The following COL15A1 variants were observed in gnomAD, a reference collection of about 807,000 sequenced individuals.
The protein encoded by COL15A1 is collagen alpha-1(XV) chain.
COL15A1 carries 111 observed loss-of-function variants against 165.9 expected under a neutral mutation model. That is an observed-to-expected ratio of 0.67 (90% CI 0.57 to 0.78). The LOEUF is 0.78. Ranked by LOEUF, COL15A1 falls within the 30% of genes least tolerant of loss-of-function variation. The pLI is 0.00. For synonymous variants in COL15A1, 659 were observed against 674.8 expected (o/e 0.98, Z 0.36); for missense variants, 1,745 against 1,789.7 (o/e 0.98, Z 0.45).
chr9:98,959,227 CA>C (rs60892848), intron 2 of COL15A1, among the ~76,000 whole-genome samples: 121 of 73,216 alleles, frequency 1.7e-3, no homozygotes, highest in Admixed American at 2.4e-3. Context: ...CCTGTCTCTA[CA>C]AAAAAAAAAA....
chr9:99,036,602 T>G (rs1839306241), intron 21 of COL15A1, among the ~76,000 whole-genome samples: 1 of 152,216 alleles, frequency 6.6e-6, no homozygotes, highest in Non-Finnish European at 1.5e-5. Flanking sequence ...TTGTCTCTTC[T>G]GATTAGCAGC....
chr9:99,022,117 C>T lies in COL15A1; in HGVS notation c.1728C>T (p.Gly576=), dbSNP rs1839037947. The change falls in exon 13 of 42, where the codon GGC becomes GGT. Residue 576 remains glycine, a synonymous_variant. Coordinates refer to ENST00000375001, the MANE Select transcript of COL15A1 (RefSeq NM_001855.5). ...GTGATGCTGGGGAGGAGCTTCCTGG[C>T]CCTCCTGAACCTTCTGGGCCTGTTG... The part of the protein sequence containing the change: ...EKGDAGEELP[G]PPEPSGPVGP... The T allele has an allele frequency of 3.1e-6, 5 of 1,614,016 alleles. No individual in the cohort carries two copies.
At chr9:98,986,152 A>G in intron 3 of COL15A1, 40 bp downstream of exon 3, 1 of 1,487,602 alleles carries the variant, frequency 6.7e-7, no homozygotes. Context: ...AGGGAGGTGG[A>G]TGAACAGACT....
At position 99,036,369 on chromosome 9, in the gene COL15A1, AC is replaced by A; in HGVS notation, c.2384del (p.Pro795LeufsTer11). 6.2e-7 allele frequency: 1 copy of A among 1,614,202 alleles called. No individual in the cohort carries two copies. Among genetic ancestry groups the A allele is most frequent in the East Asian group, 2.2e-5 (1 of 44,880 alleles). ...IVGPPGPRGP[P>X]GHIKVLSNSL... ...TGGGACCCCCTGGGCCGAGAGGGCCACCTGGGCACATCAAGGTCTTGTCTAA... is the reference window on the plus strand; with the variant it reads ...TGGGACCCCCTGGGCCGAGAGGGCCACTGGGCACATCAAGGTCTTGTCTAA... On this transcript the variant is annotated frameshift_variant, in exon 21 of 42. Coordinates refer to ENST00000375001, the MANE Select transcript of COL15A1 (RefSeq NM_001855.5). LOFTEE classifies it high-confidence loss of function.
At chr9:98,947,137 TA>T (rs1189539199) in intron 2 of COL15A1, among the ~76,000 whole-genome samples, 1 of 152,122 alleles carries the variant, frequency 6.6e-6, no homozygotes, top group Non-Finnish European at 1.5e-5. Context: ...AAACTGGAAA[TA>T]AAGTTAAATT....
rs60290557 is a variant in COL15A1, at chr9:99,034,586, TAAAAA to T, written c.2079+26_2079+30del. The T allele has an allele frequency of 0.014, 15,333 of 1,063,422 alleles. No homozygotes were observed. Among genetic ancestry groups the T allele is most frequent in the East Asian group, 0.057 (1,359 of 23,946 alleles). The allele number at this position is 1,063,422 out of a possible 1,614,324, so 65.9% of individuals were successfully genotyped here. On this transcript the variant is annotated splice_donor_5th_base_variant and intron_variant, in intron 17 of 41. Coordinates refer to ENST00000375001, the MANE Select transcript of COL15A1 (RefSeq NM_001855.5). ...CCTAATGGCTCAGTTGGTGAAAAGGTAAAAAAAAAAAAAAAAAAAAAAAAAAAAGA... is the reference window on the plus strand; with the variant it reads ...CCTAATGGCTCAGTTGGTGAAAAGGTAAAAAAAAAAAAAAAAAAAAAAAGA...
At chr9:99,033,010 T>C (rs1839233274) in intron 16 of COL15A1, among the ~76,000 whole-genome samples, 1 of 152,246 alleles carries the variant, frequency 6.6e-6, no homozygotes, top group Non-Finnish European at 1.5e-5. Flanking sequence ...TTAACTCCAT[T>C]TCCTTGGATG....
rs751448690 is a variant in COL15A1 at position 99,000,892 on chromosome 9, G to T, written c.1006G>T (p.Asp336Tyr). 77 of 1,607,184 alleles carry T rather than the reference G, an allele frequency of 4.8e-5. No individual in the cohort carries two copies. In the South Asian group the frequency reaches 7.9e-4, roughly 17 times the overall value. The change falls in exon 7 of 42, where the codon GAC (aspartate) becomes TAC (tyrosine). Residue 336 changes from aspartate to tyrosine, a missense_variant. Physicochemically the swap from Asp to Tyr is radical, Grantham distance 160. Coordinates refer to ENST00000375001, the MANE Select transcript of COL15A1 (RefSeq NM_001855.5). ...GGAGGGGGTTCATTCTGTGGATGGTGACCCCATTACTGACAGCGGCTCAGG... is the reference window on the plus strand; with the variant it reads ...GGAGGGGGTTCATTCTGTGGATGGTTACCCCATTACTGACAGCGGCTCAGG... ...TLEGVHSVDG[D>Y]PITDSGSGAG...
In COL15A1 at chr9:98,997,015, C is replaced by A; in HGVS notation, c.886C>A (p.Pro296Thr). 6.2e-7 allele frequency: 1 copy of A among 1,614,194 alleles called. No homozygotes were observed. Among genetic ancestry groups the A allele is most frequent in the Non-Finnish European group, 8.5e-7 (1 of 1,180,028 alleles). ...PFEDMELSGE[P>T]VPEGTLETTN... Reference sequence around the variant, plus strand: ...TGAAGACATGGAACTTTCTGGTGAACCTGTACCCGAGGGGACCCTGGAAAC... The same window carrying A: ...TGAAGACATGGAACTTTCTGGTGAAACTGTACCCGAGGGGACCCTGGAAAC... Residue 296 changes from proline (P) to threonine (T), a missense_variant, in exon 6 of 42, where the codon CCT becomes ACT. Physicochemically the swap from Pro to Thr is conservative, Grantham distance 38. Coordinates refer to ENST00000375001, the MANE Select transcript of COL15A1 (RefSeq NM_001855.5).
rs764240486 is a variant in COL15A1 at position 99,067,039 on chromosome 9, G to GATAC, written c.3811_3814dup (p.Ser1272IlefsTer15). On this transcript the variant is annotated frameshift_variant, in exon 40 of 42. Coordinates refer to ENST00000375001, the MANE Select transcript of COL15A1 (RefSeq NM_001855.5). LOFTEE classifies it high-confidence loss of function. ...TCCACCATTGTGAGGAAAGCAGAGAGATACAGCCTTCCCATAGTGAACCTC... is the reference window on the plus strand; with the variant it reads ...TCCACCATTGTGAGGAAAGCAGAGAGATACATACAGCCTTCCCATAGTGAACCTC... 2.5e-6 allele frequency: 4 copies of GATAC among 1,613,934 alleles called. No homozygotes were observed. The highest frequency in any genetic ancestry group is 1.6e-4 in the Middle Eastern group (1 of 6,062).
Position 99,070,033 on chromosome 9 carries a change from C to A in COL15A1, c.*147C>A. The A allele has an allele frequency of 1.6e-6, 1 of 636,020 alleles. No homozygotes were observed. Among genetic ancestry groups the A allele is most frequent in the Non-Finnish European group, 2.6e-6 (1 of 378,450 alleles). The allele number at this position is 636,020 out of a possible 1,614,324, so 39.4% of individuals were successfully genotyped here. A position where few individuals can be genotyped will look rare whatever the true frequency, so the allele number is the denominator to read the frequency against. On this transcript the variant is annotated 3_prime_UTR_variant, in exon 42 of 42. Transcript: ENST00000375001. ...ACAACAGCAACCAAAGAAAACATAC[C>A]TCAATACACTCAAAACTGAAGACAT...
chr9:98,949,756 A>G (rs116964330), intron 2 of COL15A1, among the ~76,000 whole-genome samples: 4,977 of 152,302 alleles, frequency 0.033, 99 homozygotes, highest in Non-Finnish European at 0.047. Context: ...CCTTCACAAT[A>G]TTGTGCAATC....
chr9:98,954,352 C>T (rs1293180597), intron 2 of COL15A1, among the ~76,000 whole-genome samples: 1 of 152,184 alleles, frequency 6.6e-6, no homozygotes, highest in Non-Finnish European at 1.5e-5. Flanking sequence ...ATTTGATGGA[C>T]TGTGTTTCAA....
At chr9:99,001,386 G>A (rs1284006301) in intron 7 of COL15A1, among the ~76,000 whole-genome samples, 1 of 152,166 alleles carries the variant, frequency 6.6e-6, no homozygotes, top group African/African-American at 2.4e-5. Context: ...TCCCTAGGGT[G>A]CAAAATTAAA....
chr9:98,990,973 C>T (rs1224478571), intron 5 of COL15A1, among the ~76,000 whole-genome samples: 2 of 152,106 alleles, frequency 1.3e-5, no homozygotes, highest in African/African-American at 4.8e-5. Context: ...GTCTCGCTGT[C>T]TTCAAGAGTA....
Position 99,069,769 on chromosome 9 carries a change from G to A in COL15A1, c.4050G>A (p.Thr1350=), listed in dbSNP as rs368606814. ...GGCGAACCGCGGACACAGCGGTCAC[G>A]GGACTTGCCTCCCCGCTGAGCACGG... ...EAWRTADTAV[T]GLASPLSTGK... Residue 1350 remains threonine (T), a synonymous_variant, in exon 42 of 42, where the codon ACG becomes ACA. Transcript: ENST00000375001. 55 of 1,614,110 alleles carry A rather than the reference G, an allele frequency of 3.4e-5. No individual in the cohort carries two copies. The highest frequency in any genetic ancestry group is 3.3e-4 in the Middle Eastern group (2 of 6,084).
rs1264435510 is a variant in COL15A1, at chr9:98,985,878, C to T, written c.414C>T (p.Tyr138=). The T allele has an allele frequency of 1.2e-6, 2 of 1,613,936 alleles. No individual in the cohort carries two copies. Among genetic ancestry groups the T allele is most frequent in the Non-Finnish European group, 1.7e-6 (2 of 1,180,036 alleles). The part of the protein sequence containing the change: ...EDGHQRIILY[Y]TEPGSHVSQE... ...GCCACCAGCGGATCATCCTCTACTA[C>T]ACGGAGCCAGGCTCCCATGTGTCCC... The change falls in exon 3 of 42, where the codon TAC becomes TAT. Residue 138 remains tyrosine (Y), a synonymous_variant. Coordinates refer to ENST00000375001, the MANE Select transcript of COL15A1 (RefSeq NM_001855.5).
chr9:99,005,082 T>G, intron 9 of COL15A1, 32 bp downstream of exon 9: 1 of 1,550,118 alleles, frequency 6.5e-7, no homozygotes, highest in South Asian at 1.2e-5. Flanking sequence ...AAGGTTGAGG[T>G]CATGGTGGGA....
intron 31 of COL15A1, 23 bp from the exon 32 acceptor site, chr9:99,054,553 A>T: frequency 6.3e-7 from 1 of 1,575,876 alleles, no homozygotes; most frequent in East Asian, 2.3e-5. Flanking sequence ...ATTTTTTTTT[A>T]ACATGTATGT....
Sources: allele counts gnomAD v4.1 joint callset (sites outside exome capture counted in the v4.1 genomes callset), GRCh38; gene constraint gnomAD v4.1.1; transcripts MANE v1.5; gene names NCBI Gene and HGNC (gene_info 2026-07-23, HGNC 2026-07-21).